Variants in CBFA2T3 observed in about 807,000 individuals in gnomAD.
The protein encoded by CBFA2T3 is transcriptional corepressor CBFA2T3.
CBFA2T3 carries 31 observed loss-of-function variants against 58.6 expected under a neutral mutation model. The observed-to-expected ratio is 0.53, with a 90% CI of 0.40 to 0.71. The LOEUF (loss-of-function observed/expected upper bound fraction) is 0.71. CBFA2T3 is among the 30% of genes least tolerant of loss of function. The pLI is 0.00. For synonymous variants in CBFA2T3, 531 were observed against 421.9 expected (o/e 1.26, Z -3.17); for missense variants, 1,076 against 963.1 (o/e 1.12, Z -1.55).
At chr16:88,952,546 G>A (rs956627479) in intron 1 of CBFA2T3, among the ~76,000 whole-genome samples, 1 of 151,848 alleles carries the variant, frequency 6.6e-6, no homozygotes, top group Non-Finnish European at 1.5e-5. Flanking sequence ...CTCCCTGACC[G>A]AGATAAAGTC....
At chr16:88,918,264 C>T (rs1397279874) in intron 1 of CBFA2T3, among the ~76,000 whole-genome samples, 3 of 152,250 alleles carry the variant, frequency 2.0e-5, no homozygotes, top group African/African-American at 7.2e-5. Flanking sequence ...ACTGAGGCAC[C>T]AAGCTGGGCC....
chr16:88,927,911 G>T (rs540517354), intron 1 of CBFA2T3, among the ~76,000 whole-genome samples: 4 of 152,336 alleles, frequency 2.6e-5, no homozygotes, highest in Admixed American at 2.6e-4. Context: ...CAGAAAAGCC[G>T]CAGATGCTGA....
At chr16:88,878,993 G>A (rs1055498568) in intron 11 of CBFA2T3, among the ~76,000 whole-genome samples, 16 of 152,174 alleles carry the variant, frequency 1.1e-4, no homozygotes, top group Admixed American at 7.2e-4. Flanking sequence ...TGGCCCCACC[G>A]CTTCCCAAGG....
At chr16:88,920,258 G>A (rs563050073) in intron 1 of CBFA2T3, among the ~76,000 whole-genome samples, 1 of 152,278 alleles carries the variant, frequency 6.6e-6, no homozygotes, top group African/African-American at 2.4e-5. Flanking sequence ...AGCCCTATGA[G>A]GGGAGAACTG....
chr16:88,934,592 A>C (rs1415268129), intron 1 of CBFA2T3, among the ~76,000 whole-genome samples: 1 of 152,248 alleles, frequency 6.6e-6, no homozygotes, highest in African/African-American at 2.4e-5. Flanking sequence ...AGATGGGGAC[A>C]CGGAGGCCCA....
chr16:88,916,462 G>GT (rs1327925601), intron 1 of CBFA2T3, among the ~76,000 whole-genome samples: 1 of 152,162 alleles, frequency 6.6e-6, no homozygotes, highest in Non-Finnish European at 1.5e-5. Flanking sequence ...ACATGTGGGT[G>GT]TATGTGTGCG....
Position 88,877,273 on chromosome 16 carries a change from G to A in CBFA2T3, c.1665C>T (p.Ser555=), listed in dbSNP as rs1968874807. Residue 555 remains serine, a splice_region_variant and synonymous_variant, in exon 12 of 12, where the codon AGC becomes AGT. Transcript: ENST00000268679. The stretch of plus-strand genomic sequence containing the variant: ...TGGCTTTCCGCCCGCAGTTCCAGCA[G>A]CTCTGGGTGGGGGCAGAGGGGCCAG... ...VINQQEDSSE[S]CWNCGRKASE... 3 of 1,545,886 alleles carry A rather than the reference G, an allele frequency of 1.9e-6. No homozygotes were observed. The highest frequency in any genetic ancestry group is 2.4e-5 in the East Asian group (1 of 40,852).
At chr16:88,961,947 C>G (rs1242199086) in intron 1 of CBFA2T3, among the ~76,000 whole-genome samples, 2 of 149,776 alleles carry the variant, frequency 1.3e-5, no homozygotes, top group African/African-American at 2.5e-5. Context: ...AACCGACACT[C>G]AGCGCTGGGC....
chr16:88,898,701 C>G (rs1285978617), intron 2 of CBFA2T3, among the ~76,000 whole-genome samples: 1 of 152,110 alleles, frequency 6.6e-6, no homozygotes, highest in East Asian at 1.9e-4. Flanking sequence ...AGCCCTGGGT[C>G]GGCACTGGAG....
intron 1 of CBFA2T3, among the ~76,000 whole-genome samples, chr16:88,944,782 C>T (rs962724033): frequency 3.9e-5 from 6 of 152,254 alleles, no homozygotes; most frequent in East Asian, 1.9e-4. Context: ...AGGTAAGACT[C>T]GCTGTCTGTG....
rs778852552 is a variant in CBFA2T3 at position 88,892,417 on chromosome 16, T to G, written c.448A>C (p.Asn150His). 1 of 1,613,590 alleles carries G rather than the reference T, an allele frequency of 6.2e-7. No homozygotes were observed. The highest frequency in any genetic ancestry group is 1.1e-5 in the South Asian group (1 of 91,084). ...GAPCTPNGFSNGPATSSTASL... is the reference protein window; with the variant it reads ...GAPCTPNGFSHGPATSSTASL... The stretch of plus-strand genomic sequence containing the variant: ...GCTGTGGACGAGGTGGCCGGGCCAT[T>G]GCTGAAGCCGTTGGGTGTGCACGGT... Residue 150 changes from asparagine to histidine, a missense_variant, in exon 4 of 12, where the codon AAT becomes CAT. Transcript: ENST00000268679.
At chr16:88,942,813 G>C (rs1191535637) in intron 1 of CBFA2T3, among the ~76,000 whole-genome samples, 1 of 151,100 alleles carries the variant, frequency 6.6e-6, no homozygotes, top group African/African-American at 2.5e-5. Flanking sequence ...GCTTGCCCAT[G>C]TGGCTCAGCC....
chr16:88,934,499 G>A (rs1249007236), intron 1 of CBFA2T3, among the ~76,000 whole-genome samples: 2 of 152,240 alleles, frequency 1.3e-5, no homozygotes, highest in Admixed American at 6.5e-5. Flanking sequence ...TGGCCGGCAC[G>A]GCCGGCACCA....
intron 1 of CBFA2T3, among the ~76,000 whole-genome samples, chr16:88,909,398 T>C (rs1000597713): frequency 1.1e-4 from 15 of 140,622 alleles, no homozygotes; most frequent in African/African-American, 4.0e-4. Context: ...AGGGTTGACA[T>C]GAATGCACGC....
Position 88,930,667 on chromosome 16 carries a change from A to G in CBFA2T3, c.152-29011T>C, listed in dbSNP as rs868611492. ...GAGATGCAGGAGCGGGGGCAGACTG[A>G]GGGCTGGGGGTGGAGGAGCGAGGAG... On this transcript the variant is annotated intron_variant, in intron 1 of 11. Transcript: ENST00000268679. 6.1e-3 allele frequency among the ~76,000 whole-genome samples: 706 copies of G among 114,874 alleles called. 4 individuals are homozygous for G. The highest frequency in any genetic ancestry group is 0.026 in the African/African-American group (627 of 24,398). 75.4% of individuals were successfully genotyped at this position (114,874 alleles called of 152,430 possible). A position where few individuals can be genotyped will look rare whatever the true frequency, so the allele number is the denominator to read the frequency against.
intron 1 of CBFA2T3, among the ~76,000 whole-genome samples, chr16:88,957,389 T>C (rs893867296): frequency 6.6e-6 from 1 of 152,200 alleles, no homozygotes; most frequent in East Asian, 1.9e-4. Context: ...CGTGGGGCTG[T>C]CACCTGACTC....
rs575621061 is a variant in CBFA2T3 at position 88,893,044 on chromosome 16, C to T, written c.380-559G>A. Among the ~76,000 whole-genome samples the T allele has an allele frequency of 4.6e-5, 7 of 152,272 alleles. No individual in the cohort carries two copies. In the South Asian group the frequency reaches 1.2e-3, roughly 27 times the overall value. ...ACGTCGGGGGCTTGATGGCTCACTT[C>T]CCACTTTCTGGAGGCACAGGAGACT... On this transcript the variant is annotated intron_variant, in intron 3 of 11. Coordinates refer to ENST00000268679, the MANE Select transcript of CBFA2T3 (RefSeq NM_005187.6).
chr16:88,878,873 G>A (rs1968946180), intron 11 of CBFA2T3, among the ~76,000 whole-genome samples: 1 of 152,234 alleles, frequency 6.6e-6, no homozygotes, highest in South Asian at 2.1e-4. Flanking sequence ...TTGAACCCGG[G>A]AGGCGGAGGT....
chr16:88,976,552 G>A (rs930101839), intron 1 of CBFA2T3, 105 bp downstream of exon 1: 37 of 851,442 alleles, frequency 4.3e-5, no homozygotes, highest in Admixed American at 2.3e-4. Context: ...TGCCGGCACT[G>A]TCAACTAAGC....
Sources: gnomAD v4.1 joint callset for allele counts (sites outside exome capture counted in the v4.1 genomes callset) on GRCh38, gnomAD v4.1.1 for gene constraint, MANE v1.5 for transcripts, NCBI Gene and HGNC (gene_info 2026-07-23, HGNC 2026-07-21) for gene names.